Variants in FMR1 observed in about 807,000 individuals in gnomAD.
The protein encoded by FMR1 is FMRP translational regulator 1.
A neutral mutation model predicts 50.6 loss-of-function variants in FMR1; 13 were observed. The observed-to-expected ratio is 0.26, with a 90% CI of 0.17 to 0.41. The LOEUF is 0.41. Ranked by LOEUF, FMR1 falls within the 10% of genes least tolerant of loss-of-function variation. FMR1 has a pLI of 1.00. For synonymous variants in FMR1, 138 were observed against 164.1 expected, an observed-to-expected ratio of 0.84 and a Z score of 1.22; for missense variants, 316 against 491.3, an observed-to-expected ratio of 0.64 and a Z score of 3.37.
At chrX:147,939,896 C>T (rs1557180356) in intron 12 of FMR1, among the ~76,000 whole-genome samples, 1 of 91,789 alleles carries the variant, frequency 1.1e-5, no homozygotes, top group Non-Finnish European at 2.1e-5. Context: ...TAAAAAGACC[C>T]TGTCTCAAAA....
intron 14 of FMR1, 179 bp downstream of exon 14, chrX:147,943,505 T>G: frequency 2.2e-6 from 1 of 458,589 alleles, no homozygotes; most frequent in Admixed American, 3.5e-5. Flanking sequence ...ACACGTAGAG[T>G]TCACAGGGCC....
rs1437535858 is a variant in FMR1, at chrX:147,949,994, A to C, written c.*1150A>C. ...TCTAATGTTTAAGCAGAATTGGAAAAGACTAAGATCGGTTAACAAATAACA... is the reference window on the plus strand; with the variant it reads ...TCTAATGTTTAAGCAGAATTGGAAACGACTAAGATCGGTTAACAAATAACA... On this transcript the variant is annotated 3_prime_UTR_variant, in exon 17 of 17. Transcript: ENST00000370475. The C allele has an allele frequency of 9.5e-6, 3 of 314,976 alleles. No individual in the cohort carries two copies. The highest frequency in any genetic ancestry group is 1.8e-5 in the Non-Finnish European group (3 of 166,335). The allele number at this position is 314,976 out of a possible 1,213,427, so 26.0% of individuals were successfully genotyped here.
rs1557181787 is a variant in FMR1, at chrX:147,945,545, C to A, written c.1666C>A (p.His556Asn). 3 of 1,204,033 alleles carry A rather than the reference C, an allele frequency of 2.5e-6. No homozygotes were observed. In the Admixed American group the frequency reaches 6.5e-5, roughly 26 times the overall value. Residue 556 changes from histidine to asparagine, a missense_variant, in exon 16 of 17, where the codon CAC becomes AAC. Coordinates refer to ENST00000370475, the MANE Select transcript of FMR1 (RefSeq NM_002024.6). ...AAATATTCTCATAGGAAACGACGAT[C>A]ACTCCCGAACAGATAATCGTCCACG... Reference protein sequence around the residue: ...RGGGFKGNDDHSRTDNRPRNP... With the variant: ...RGGGFKGNDDNSRTDNRPRNP...
intron 12 of FMR1, chrX:147,940,273 A>G (rs1248950978): frequency 3.5e-6 from 1 of 282,265 alleles, no homozygotes; most frequent in Non-Finnish European, 6.3e-6. Context: ...TTGTTTATAC[A>G]TCTCATGGTA....
chrX:147,947,383 G>A (rs1437348878), intron 16 of FMR1: 1 of 91,015 alleles, frequency 1.1e-5, no homozygotes, highest in East Asian at 3.5e-4. Context: ...TTGCACTCCA[G>A]CCTGAGCAAC....
In FMR1 at chrX:147,927,973, T is replaced by A. The variant is rs149678734; in HGVS notation, c.199-349T>A. 2.6e-3 allele frequency: 435 copies of A among 164,591 alleles called. 1 individual carries two copies. The highest frequency in any genetic ancestry group is 0.013 in the African/African-American group (421 of 32,465). The allele number at this position is 164,591 out of a possible 1,213,427, so 13.6% of individuals were successfully genotyped here. The stretch of plus-strand genomic sequence containing the variant: ...TTACTAGGATAAAGCAAAAATAAGC[T>A]TATACATTTTTAGATACATTTTTTG... On this transcript the variant is annotated intron_variant, in intron 3 of 16. Transcript: ENST00000370475.
intron 3 of FMR1, among the ~76,000 whole-genome samples, chrX:147,927,066 G>C (rs2043417713): frequency 8.9e-6 from 1 of 112,011 alleles, no homozygotes; most frequent in Admixed American, 9.5e-5. Flanking sequence ...TTCCAAAAAT[G>C]TAACCAATCT....
chrX:147,939,250 AGTT>A (rs2043894394), intron 12 of FMR1, among the ~76,000 whole-genome samples: 1 of 107,424 alleles, frequency 9.3e-6, no homozygotes, highest in Non-Finnish European at 1.9e-5. Flanking sequence ...GACAAGAAGT[AGTT>A]GTTTTTTTTT....
chrX:147,915,002 A>AT (rs2042778997), intron 1 of FMR1, among the ~76,000 whole-genome samples: 2 of 112,001 alleles, frequency 1.8e-5, no homozygotes, highest in South Asian at 7.4e-4. Context: ...TAGTATGAAA[A>AT]TTACTAAAGA....
chrX:147,923,241 A>G (rs1162906220), intron 2 of FMR1, among the ~76,000 whole-genome samples: 2 of 112,053 alleles, frequency 1.8e-5, no homozygotes, highest in Admixed American at 1.9e-4. Context: ...CTCTGGACTA[A>G]TAATCGCAGA....
chrX:147,934,931 T>A (rs781859782), intron 9 of FMR1, among the ~76,000 whole-genome samples: 1 of 111,978 alleles, frequency 8.9e-6, no homozygotes, highest in African/African-American at 3.2e-5. Context: ...CACTAATTTA[T>A]CTTTTCATTA....
rs901570543 is a variant in FMR1 at position 147,950,541 on chromosome X, G to A, written c.*1697G>A. On this transcript the variant is annotated 3_prime_UTR_variant, in exon 17 of 17. Transcript: ENST00000370475. ...GGCAATATTCTCTGTACATATTAGCGACAACAGATTGGATTTTATGTTGAC... is the reference window on the plus strand; with the variant it reads ...GGCAATATTCTCTGTACATATTAGCAACAACAGATTGGATTTTATGTTGAC... 3.0e-6 allele frequency: 1 copy of A among 329,348 alleles called. No individual in the cohort carries two copies. Among genetic ancestry groups the A allele is most frequent in the Non-Finnish European group, 5.9e-6 (1 of 169,861 alleles). 27.1% of individuals were successfully genotyped at this position (329,348 alleles called of 1,213,427 possible). A position where few individuals can be genotyped will look rare whatever the true frequency, so the allele number is the denominator to read the frequency against.
At chrX:147,918,865 G>C (rs2043020090) in intron 1 of FMR1, among the ~76,000 whole-genome samples, 1 of 110,417 alleles carries the variant, frequency 9.1e-6, no homozygotes, top group Non-Finnish European at 1.9e-5. Flanking sequence ...GAGTGAATTG[G>C]AGACTGATTT....
At chrX:147,931,352 C>T (rs73247515) in intron 7 of FMR1, among the ~76,000 whole-genome samples, 15 of 111,740 alleles carry the variant, frequency 1.3e-4, no homozygotes, top group Non-Finnish European at 2.6e-4. Context: ...TGAACCAGGA[C>T]TCAAAAAACA....
Position 147,937,576 on chromosome X carries a change from A to C in FMR1, c.1101A>C (p.Gln367His). The change falls in exon 11 of 17, where the codon CAA becomes CAC. Residue 367 changes from glutamine to histidine, a missense_variant. By Grantham distance (24) the Gln-to-His change is conservative. Around this residue, in one of 4 missense-constraint regions of FMR1, gnomAD observed 53 missense variants for 51.5 expected, o/e 1.03. Coordinates refer to ENST00000370475, the MANE Select transcript of FMR1 (RefSeq NM_002024.6). ...DIKENSTHFS[Q>H]PNSTKVQRVL... Reference sequence around the variant, plus strand: ...AGGAAAACAGCACCCATTTTTCTCAACCTAACAGTACAAAAGTCCAGAGGG... The same window carrying C: ...AGGAAAACAGCACCCATTTTTCTCACCCTAACAGTACAAAAGTCCAGAGGG... The C allele has an allele frequency of 9.9e-7, 1 of 1,012,852 alleles. No homozygotes were observed. The highest frequency in any genetic ancestry group is 1.4e-6 in the Non-Finnish European group (1 of 714,314). 83.5% of individuals were successfully genotyped at this position (1,012,852 alleles called of 1,213,427 possible).
intron 9 of FMR1, among the ~76,000 whole-genome samples, chrX:147,936,226 C>T (rs2043783966): frequency 8.9e-6 from 1 of 111,819 alleles, no homozygotes; most frequent in South Asian, 3.7e-4. Context: ...TTTGAACTGC[C>T]TTAAAAATCC....
intron 2 of FMR1, chrX:147,925,086 C>T (rs2043341360): frequency 6.8e-6 from 1 of 146,148 alleles, no homozygotes; most frequent in Non-Finnish European, 1.3e-5. Flanking sequence ...GTGCTGATAG[C>T]CCCATTTTGC....
At chrX:147,922,304 A>G (rs1202948234) in intron 2 of FMR1, among the ~76,000 whole-genome samples, 1 of 112,146 alleles carries the variant, frequency 8.9e-6, no homozygotes, top group East Asian at 2.8e-4. Flanking sequence ...TTAAAAAGAT[A>G]GTAATGAAAA....
chrX:147,917,220 T>G (rs1307084647), intron 1 of FMR1, among the ~76,000 whole-genome samples: 1 of 111,936 alleles, frequency 8.9e-6, no homozygotes, highest in Admixed American at 9.5e-5. Flanking sequence ...GTGGTTCCTG[T>G]TGGTAAGATA....
Sources: gnomAD v4.1 joint callset for allele counts (sites outside exome capture counted in the v4.1 genomes callset) on GRCh38, gnomAD v4.1.1 for gene constraint, gnomAD v4.1.1 regional missense constraint, MANE v1.5 for transcripts, NCBI Gene and HGNC (gene_info 2026-07-23, HGNC 2026-07-21) for gene names.